The following RBFOX2 variants were observed in gnomAD, a reference collection of about 807,000 sequenced individuals.
RBFOX2 encodes the protein RNA binding protein fox-1 homolog 2.
Under a neutral mutation model 49.1 loss-of-function variants are expected in RBFOX2, and 10 were observed. That is an observed-to-expected ratio of 0.20 (90% CI 0.13 to 0.35). The LOEUF (loss-of-function observed/expected upper bound fraction) is 0.35. Ranked by LOEUF, RBFOX2 falls within the 10% of genes least tolerant of loss-of-function variation. The pLI is 1.00. For synonymous variants in RBFOX2, 183 were observed against 187.4 expected (o/e 0.98, Z 0.19); for missense variants, 323 against 486.9 (o/e 0.66, Z 3.17).
Position 35,811,081 on chromosome 22 carries a change from C to T in RBFOX2, c.28-1077G>A, listed in dbSNP as rs547855967. On this transcript the variant is annotated intron_variant, in intron 1 of 11. Coordinates refer to ENST00000405409, the Ensembl canonical transcript of RBFOX2. ...TTAAACAACTTCAAAATTCAGCTGT[C>T]TCCAATGTCCAAGAATCATTTCTAC... Among the ~76,000 whole-genome samples the T allele has an allele frequency of 3.3e-5, 5 of 152,176 alleles. No individual in the cohort carries two copies. In the South Asian group the frequency reaches 1.0e-3, roughly 32 times the overall value.
upstream of RBFOX2, among the ~76,000 whole-genome samples, chr22:35,965,843 G>C (rs1330053245): frequency 6.6e-6 from 1 of 152,160 alleles, no homozygotes; most frequent in African/African-American, 2.4e-5. Context: ...ATCAGCTGTA[G>C]CAATCACAGA....
intron 11 of RBFOX2, 135 bp from the exon 14 acceptor site, chr22:35,744,384 T>C (rs1931502257): frequency 2.5e-6 from 2 of 791,342 alleles, no homozygotes; most frequent in Non-Finnish European, 3.8e-6. Flanking sequence ...CATTGCCTTG[T>C]GCAGTGAAGT....
chr22:35,958,183 T>C (rs1171862748), intron 1 of RBFOX2, among the ~76,000 whole-genome samples: 1 of 152,322 alleles, frequency 6.6e-6, no homozygotes, highest in African/African-American at 2.4e-5. Context: ...TAACAGTCTC[T>C]TCACTCACAT....
chr22:36,023,218 TA>T (rs1254508418), intron 1 of RBFOX2, among the ~76,000 whole-genome samples: 2 of 152,138 alleles, frequency 1.3e-5, no homozygotes, highest in African/African-American at 4.8e-5. Flanking sequence ...ACTACTTCAA[TA>T]AACACAGCAT....
At chr22:35,842,471 A>C (rs1482773045), upstream of RBFOX2, among the ~76,000 whole-genome samples, 1 of 152,208 alleles carries the variant, frequency 6.6e-6, no homozygotes, top group Non-Finnish European at 1.5e-5. Flanking sequence ...CTAAAGACAA[A>C]GTGAGTAAGC....
chr22:35,978,754 C>T (rs1838619024), intron 1 of RBFOX2, among the ~76,000 whole-genome samples: 1 of 152,034 alleles, frequency 6.6e-6, no homozygotes, highest in Admixed American at 6.5e-5. Context: ...TCCATGAGTC[C>T]ATTTGATAGA....
chr22:35,906,822 C>T (rs1273348175), intron 1 of RBFOX2, among the ~76,000 whole-genome samples: 1 of 151,872 alleles, frequency 6.6e-6, no homozygotes, highest in Non-Finnish European at 1.5e-5. Context: ...CCCAAACAAA[C>T]AAACAAACAA....
intron 2 of RBFOX2, among the ~76,000 whole-genome samples, chr22:35,792,332 AAAGAAAAG>A (rs1947896422): frequency 1.0e-5 from 1 of 97,996 alleles, no homozygotes; most frequent in Non-Finnish European, 2.0e-5. Context: ...AAAAAAAAAA[AAAGAAAAG>A]AAAAGAAAAG....
At chr22:36,026,081 C>G (rs777085488) in intron 1 of RBFOX2, among the ~76,000 whole-genome samples, 1 of 151,866 alleles carries the variant, frequency 6.6e-6, no homozygotes, top group Non-Finnish European at 1.5e-5. Context: ...CCTGGCCAAC[C>G]TGGTGAAACC....
upstream of RBFOX2, chr22:35,961,838 C>G: frequency 1.6e-6 from 1 of 610,964 alleles, no homozygotes; most frequent in Non-Finnish European, 2.0e-6. Flanking sequence ...TAAGAAAACA[C>G]AGAGAAATGT....
intron 1 of RBFOX2, among the ~76,000 whole-genome samples, chr22:36,002,161 C>T (rs1478495449): frequency 1.3e-5 from 2 of 152,138 alleles, no homozygotes; most frequent in South Asian, 2.1e-4. Context: ...AATGAAAGTA[C>T]GGTAACATAA....
chr22:35,760,153 T>G, intron 8 of RBFOX2, 133 bp from the exon 10 acceptor site: 1 of 1,192,784 alleles, frequency 8.4e-7, no homozygotes, highest in Non-Finnish European at 1.2e-6. Context: ...AAAGGTGGCA[T>G]GCATTCAATA....
chr22:35,981,796 A>G (rs2057469075), intron 1 of RBFOX2, among the ~76,000 whole-genome samples: 1 of 152,116 alleles, frequency 6.6e-6, no homozygotes, highest in African/African-American at 2.4e-5. Context: ...TGCACACACA[A>G]AATTAGTCAT....
At chr22:35,775,719 T>C (rs1353522760) in intron 4 of RBFOX2, among the ~76,000 whole-genome samples, 1 of 151,322 alleles carries the variant, frequency 6.6e-6, no homozygotes, top group Non-Finnish European at 1.5e-5. Context: ...TGTGCGCCTG[T>C]TATCCCAGCT....
At chr22:35,935,392 C>A (rs1338527932) in intron 1 of RBFOX2, among the ~76,000 whole-genome samples, 1 of 152,070 alleles carries the variant, frequency 6.6e-6, no homozygotes, top group Non-Finnish European at 1.5e-5. Flanking sequence ...GATTGTCATC[C>A]CATAAAGCTT....
At chr22:35,988,709 C>A (rs554720648) in intron 1 of RBFOX2, among the ~76,000 whole-genome samples, 40 of 152,150 alleles carry the variant, frequency 2.6e-4, no homozygotes, top group African/African-American at 8.4e-4. Flanking sequence ...GACTAAAGGA[C>A]AGTGAGATGA....
intron 1 of RBFOX2, among the ~76,000 whole-genome samples, chr22:35,918,520 G>A (rs1285482271): frequency 6.6e-6 from 1 of 151,980 alleles, no homozygotes; most frequent in African/African-American, 2.4e-5. Context: ...CTCATAAATG[G>A]GTGTCATCTT....
chr22:35,818,832 A>C (rs1953777810), intron 1 of RBFOX2, among the ~76,000 whole-genome samples: 1 of 152,156 alleles, frequency 6.6e-6, no homozygotes, highest in Non-Finnish European at 1.5e-5. Flanking sequence ...CAGGTTCCAA[A>C]TAAAACACTG....
rs1027986687 is a variant in RBFOX2 at position 35,787,186 on chromosome 22, C to T, written c.253-5440G>A. The stretch of plus-strand genomic sequence containing the variant: ...TCCCAAATAGCTGGGACTACAGGTG[C>T]GAGCCACTACACATGACTAATTTTT... On this transcript the variant is annotated intron_variant, in intron 2 of 11. Coordinates refer to ENST00000405409, the Ensembl canonical transcript of RBFOX2. Among the ~76,000 whole-genome samples the T allele has an allele frequency of 6.3e-4, 96 of 152,066 alleles. 1 individual carries two copies. Among genetic ancestry groups the T allele is most frequent in the Middle Eastern group, 3.4e-3 (1 of 294 alleles).
Sources: allele counts gnomAD v4.1 joint callset (sites outside exome capture counted in the v4.1 genomes callset), GRCh38; gene constraint gnomAD v4.1.1; transcripts MANE v1.5; gene names NCBI Gene and HGNC (gene_info 2026-07-23, HGNC 2026-07-21).